Variants in SSH2 observed in about 807,000 individuals in gnomAD.
SSH2 encodes slingshot protein phosphatase 2.
SSH2 carries 37 observed loss-of-function variants against 135.2 expected under a neutral mutation model. That is an observed-to-expected ratio of 0.27 (90% CI 0.21 to 0.36). The LOEUF (loss-of-function observed/expected upper bound fraction) is 0.36. Ranked by LOEUF, SSH2 falls within the 10% of genes least tolerant of loss-of-function variation. SSH2 has a pLI of 1.00. For synonymous variants in SSH2, 628 were observed against 646.2 expected (o/e 0.97, Z 0.43); for missense variants, 1,408 against 1,765.3 (o/e 0.80, Z 3.63).
chr17:29,752,180 A>G (rs2040966296), intron 3 of SSH2, among the ~76,000 whole-genome samples: 2 of 152,212 alleles, frequency 1.3e-5, no homozygotes, highest in South Asian at 4.1e-4. Flanking sequence ...CAATTTTTAA[A>G]AGTGAAAATT....
chr17:29,751,606 T>G (rs1486647791), intron 3 of SSH2, among the ~76,000 whole-genome samples: 1 of 151,538 alleles, frequency 6.6e-6, no homozygotes, highest in Admixed American at 6.6e-5. Flanking sequence ...CACAAACACA[T>G]GAGTAATACA....
At chr17:29,727,050 G>C (rs1339725913) in intron 3 of SSH2, among the ~76,000 whole-genome samples, 1 of 152,120 alleles carries the variant, frequency 6.6e-6, no homozygotes, top group African/African-American at 2.4e-5. Context: ...ATCATTTCCT[G>C]CCAGGCATCA....
intron 1 of SSH2, among the ~76,000 whole-genome samples, chr17:29,870,010 G>A (rs2151420218): frequency 6.6e-6 from 1 of 151,976 alleles, no homozygotes; most frequent in Non-Finnish European, 1.5e-5. Context: ...TTTTAGGATA[G>A]GACCTTGGGT....
intron 3 of SSH2, among the ~76,000 whole-genome samples, chr17:29,729,245 T>C (rs566041192): frequency 6.6e-6 from 1 of 152,346 alleles, no homozygotes; most frequent in African/African-American, 2.4e-5. Context: ...AATAGACATT[T>C]CTCAAAAGAT....
intron 11 of SSH2, 31 bp downstream of exon 11, chr17:29,666,836 G>A (rs1267204461): frequency 6.2e-7 from 1 of 1,612,034 alleles, no homozygotes; most frequent in African/African-American, 1.3e-5. Context: ...GCTAGCGTTA[G>A]CACACCACTT....
chr17:29,870,308 T>C (rs2065918576), intron 1 of SSH2, among the ~76,000 whole-genome samples: 1 of 151,382 alleles, frequency 6.6e-6, no homozygotes, highest in South Asian at 2.1e-4. Context: ...TATGCAATAT[T>C]GTATATAGTA....
chr17:29,634,581 T>C (rs2035817273), intron 15 of SSH2, among the ~76,000 whole-genome samples: 2 of 152,144 alleles, frequency 1.3e-5, no homozygotes, highest in African/African-American at 4.8e-5. Flanking sequence ...TGAGACGGAG[T>C]CTCGCTCTGT....
intron 11 of SSH2, among the ~76,000 whole-genome samples, chr17:29,657,483 G>A (rs547967213): frequency 3.1e-4 from 46 of 149,380 alleles, no homozygotes; most frequent in Non-Finnish European, 5.8e-4. Context: ...TGGTCAGGCT[G>A]GTCTCAAACT....
intron 3 of SSH2, among the ~76,000 whole-genome samples, chr17:29,750,369 G>A (rs1319944833): frequency 6.7e-6 from 1 of 150,312 alleles, no homozygotes; most frequent in African/African-American, 2.4e-5. Flanking sequence ...AACACAGGAG[G>A]TGGAGGTGGC....
At chr17:29,884,467 T>C (rs2066197120) in intron 1 of SSH2, among the ~76,000 whole-genome samples, 1 of 152,196 alleles carries the variant, frequency 6.6e-6, no homozygotes, top group Admixed American at 6.6e-5. Context: ...TTGAGTGATG[T>C]CATCTCTCTC....
chr17:29,640,277 C>T (rs1420242095), intron 14 of SSH2, among the ~76,000 whole-genome samples: 1 of 152,072 alleles, frequency 6.6e-6, no homozygotes, highest in African/African-American at 2.4e-5. Flanking sequence ...GGGGTTTCAC[C>T]GTGTTAGCCA....
At chr17:29,688,152 G>A (rs1198147963) in intron 5 of SSH2, among the ~76,000 whole-genome samples, 1 of 151,506 alleles carries the variant, frequency 6.6e-6, no homozygotes, top group South Asian at 2.1e-4. Flanking sequence ...ACGGGATTAC[G>A]GGCACCTGCC....
rs183877732 is a variant in SSH2, at chr17:29,886,935, T to C, written c.64-38006A>G. Reference sequence around the variant, plus strand: ...AGTTCTGAAGACACTTTACCAAGAGTATGTGGTATCCTTAAGTGCTAAAGC... The same window carrying C: ...AGTTCTGAAGACACTTTACCAAGAGCATGTGGTATCCTTAAGTGCTAAAGC... On this transcript the variant is annotated intron_variant, in intron 1 of 15. Transcript: ENST00000540801. 3.9e-3 allele frequency among the ~76,000 whole-genome samples: 598 copies of C among 152,046 alleles called. 1 individual carries two copies. Among genetic ancestry groups the C allele is most frequent in the Non-Finnish European group, 6.5e-3 (442 of 67,974 alleles).
At chr17:29,820,303 G>A (rs540232411) in intron 2 of SSH2, among the ~76,000 whole-genome samples, 7 of 152,334 alleles carry the variant, frequency 4.6e-5, no homozygotes, top group Admixed American at 1.3e-4. Context: ...AAAAGCCTGT[G>A]TGAGCAAAGA....
At chr17:29,874,067 T>C (rs937146003) in intron 1 of SSH2, among the ~76,000 whole-genome samples, 2 of 151,914 alleles carry the variant, frequency 1.3e-5, no homozygotes, top group Non-Finnish European at 2.9e-5. Flanking sequence ...CTGAGGTGGG[T>C]GGATCGGATA....
chr17:29,632,247 C>T lies in SSH2; in HGVS notation c.2947G>A (p.Ala983Thr), dbSNP rs1355481813. ...TGGTCAAACTCCAGCACCCTGGGAG[C>T]TGGAACAGTGGCATTCTGCTCAGAA... ...SHSEQNATVPAPRVLEFDHLP... is the reference protein window; with the variant it reads ...SHSEQNATVPTPRVLEFDHLP... The change falls in exon 16 of 16, where the codon GCT becomes ACT. Residue 983 changes from alanine (A) to threonine (T), a missense_variant. Coordinates refer to ENST00000540801, the MANE Select transcript of SSH2 (RefSeq NM_001282129.2). 4 of 1,614,056 alleles carry T rather than the reference C, an allele frequency of 2.5e-6. No homozygotes were observed. The highest frequency in any genetic ancestry group is 2.2e-5 in the East Asian group (1 of 44,874).
chr17:29,722,602 T>C (rs552019723), intron 3 of SSH2, among the ~76,000 whole-genome samples: 1 of 152,322 alleles, frequency 6.6e-6, no homozygotes, highest in East Asian at 1.9e-4. Flanking sequence ...CACGGGAAGA[T>C]AACATGGCAG....
Position 29,632,530 on chromosome 17 carries a change from CCACTT to C in SSH2, c.2659_2663del (p.Lys887ValfsTer36). 6.2e-7 allele frequency: 1 copy of C among 1,614,214 alleles called. No individual in the cohort carries two copies. Among genetic ancestry groups the C allele is most frequent in the Non-Finnish European group, 8.5e-7 (1 of 1,180,032 alleles). On this transcript the variant is annotated frameshift_variant, in exon 16 of 16. Coordinates refer to ENST00000540801, the MANE Select transcript of SSH2 (RefSeq NM_001282129.2). LOFTEE classifies it high-confidence loss of function. ...TGGCTCGCCTCACAGACCCAGGGTA[CCACTT>C]GGCACCTGGGTGCATCCCTGAGCCC...
At chr17:29,664,767 T>C (rs2037202511) in intron 11 of SSH2, among the ~76,000 whole-genome samples, 1 of 152,176 alleles carries the variant, frequency 6.6e-6, no homozygotes, top group Non-Finnish European at 1.5e-5. Flanking sequence ...CATTTGTAGT[T>C]GATTAGAGAA....
Sources: gnomAD v4.1 joint callset for allele counts (sites outside exome capture counted in the v4.1 genomes callset) on GRCh38, gnomAD v4.1.1 for gene constraint, MANE v1.5 for transcripts, NCBI Gene and HGNC (gene_info 2026-07-23, HGNC 2026-07-21) for gene names.